The following ZIM2 variants were observed in gnomAD, a reference collection of about 807,000 sequenced individuals.
ZIM2 encodes zinc finger protein 656.
Under a neutral mutation model 38.6 loss-of-function variants are expected in ZIM2, and 14 were observed. The ratio of observed to expected loss-of-function variants is 0.36; its 90% confidence interval spans 0.24 to 0.57. The LOEUF is 0.57. Ranked by LOEUF, ZIM2 falls within the 20% of genes least tolerant of loss-of-function variation. The pLI is 0.81. For missense variants in ZIM2, 680 were observed against 695.1 expected (o/e 0.98, Z 0.24); for synonymous variants, 247 against 245.8 (o/e 1.00, Z -0.04).
intron 1 of ZIM2, among the ~76,000 whole-genome samples, chr19:56,836,841 G>A (rs1048171512): frequency 7.2e-5 from 11 of 151,904 alleles, no homozygotes; most frequent in East Asian, 1.9e-4. Flanking sequence ...GGTGGCGCGC[G>A]CCTGTATTCC....
intron 1 of ZIM2, among the ~76,000 whole-genome samples, chr19:56,837,370 C>T (rs1235805642): frequency 6.6e-6 from 1 of 152,156 alleles, no homozygotes; most frequent in Admixed American, 6.5e-5. Context: ...AGTGAAAATC[C>T]TTCACCAACA....
At chr19:56,796,375 T>C (rs1448988311) in intron 9 of ZIM2, among the ~76,000 whole-genome samples, 1 of 152,228 alleles carries the variant, frequency 6.6e-6, no homozygotes, top group Non-Finnish European at 1.5e-5. Flanking sequence ...TGGAACTTGG[T>C]GGAATTTTCT....
In ZIM2 at chr19:56,814,911, G is replaced by T. The variant is rs1215526383; in HGVS notation, c.490+2835C>A. On this transcript the variant is annotated intron_variant, in intron 9 of 12. Coordinates refer to ENST00000629319, the MANE Select transcript of ZIM2 (RefSeq NM_001387356.1). The surrounding 1 kb of genome is among the most constrained non-coding windows in gnomAD (Gnocchi z 5.8). ...CATGGATTCTCTGATGCTCGAAAAG[G>T]AATGAGCTATGAATAAAAGATTCCC... 5 of 1,614,030 alleles carry T rather than the reference G, an allele frequency of 3.1e-6. No individual in the cohort carries two copies. Among genetic ancestry groups the T allele is most frequent in the Non-Finnish European group, 3.4e-6 (4 of 1,180,028 alleles).
intron 9 of ZIM2, among the ~76,000 whole-genome samples, chr19:56,802,736 T>C (rs188564946): frequency 4.1e-4 from 62 of 152,326 alleles, no homozygotes; most frequent in East Asian, 3.3e-3. Context: ...AACTGACATT[T>C]ACTGTGTTGA....
At chr19:56,805,543 G>T (rs1568589723) in intron 9 of ZIM2, among the ~76,000 whole-genome samples, 1 of 152,160 alleles carries the variant, frequency 6.6e-6, no homozygotes, top group Non-Finnish European at 1.5e-5. Context: ...GTATTCAGTG[G>T]GTAAATCAGG....
intron 6 of ZIM2, 164 bp downstream of exon 6, chr19:56,822,589 G>A: frequency 4.7e-6 from 4 of 842,824 alleles, no homozygotes. Context: ...TGGTGGTACC[G>A]AGTGGAACTT....
chr19:56,814,191 C>T lies in ZIM2; in HGVS notation c.490+3555G>A. The T allele has an allele frequency of 6.2e-7, 1 of 1,611,762 alleles. No homozygotes were observed. The highest frequency in any genetic ancestry group is 2.2e-5 in the East Asian group (1 of 44,836). On this transcript the variant is annotated intron_variant, in intron 9 of 12. Transcript: ENST00000629319. The surrounding 1 kb of genome is among the most constrained non-coding windows in gnomAD (Gnocchi z 5.8). Reference sequence around the variant, plus strand: ...CTGGCCCTTCAGCCTCTCCGTTTGGCTCAGCAGCCTCCACTTCTGGCTCAG... The same window carrying T: ...CTGGCCCTTCAGCCTCTCCGTTTGGTTCAGCAGCCTCCACTTCTGGCTCAG...
In ZIM2 at chr19:56,813,836, C is replaced by A. The variant is rs755875175; in HGVS notation, c.490+3910G>T. 5 of 1,614,082 alleles carry A rather than the reference C, an allele frequency of 3.1e-6. No individual in the cohort carries two copies. In the African/African-American group the frequency reaches 6.7e-5, roughly 22 times the overall value. ...CCTGAGCACTCCCCAAAGGCATTTG[C>A]AGGCTCAAATATGATCATGCTGGCA... On this transcript the variant is annotated intron_variant, in intron 9 of 12. Transcript: ENST00000629319.
chr19:56,821,499 T>C, intron 7 of ZIM2, 152 bp downstream of exon 7: 2 of 893,258 alleles, frequency 2.2e-6, no homozygotes, highest in South Asian at 3.4e-5. Flanking sequence ...ACTTGTCACC[T>C]AAGGGATGGG....
At position 56,775,313 on chromosome 19, in the gene ZIM2, G is replaced by C; in HGVS notation, c.1052C>G (p.Ser351Ter). 6.2e-7 allele frequency: 1 copy of C among 1,614,174 alleles called. No individual in the cohort carries two copies. The highest frequency in any genetic ancestry group is 1.7e-5 in the Admixed American group (1 of 60,016). Residue 351 changes from serine to a stop codon, truncating the protein, a stop_gained, in exon 13 of 13, where the codon TCA becomes TGA. Coordinates refer to ENST00000629319, the MANE Select transcript of ZIM2 (RefSeq NM_001387356.1). LOFTEE classifies it low-confidence loss of function (END_TRUNC). ...TAPGICTSPQSASQENKHNRC... is the reference protein window; with the variant it reads ...TAPGICTSPQ ...GTTGTGTTTGTTCTCTTGGGATGCT[G>C]ACTGGGGACTCGTACATATTCCAGG...
At chr19:56,778,682 G>C (rs1780315707) in intron 12 of ZIM2, among the ~76,000 whole-genome samples, 1 of 152,130 alleles carries the variant, frequency 6.6e-6, no homozygotes, top group South Asian at 2.1e-4. Context: ...CAGCCCAGCT[G>C]ATCAGTATTA....
In ZIM2 at chr19:56,814,061, G is replaced by T. The variant is rs781298122; in HGVS notation, c.490+3685C>A. On this transcript the variant is annotated intron_variant, in intron 9 of 12. Coordinates refer to ENST00000629319, the MANE Select transcript of ZIM2 (RefSeq NM_001387356.1). This position sits in a 1 kb window ranked among gnomAD's most constrained non-coding sequence, Gnocchi z 5.8. ...TCTGGCTCTTCAGCTCTTTCTTCTG[G>T]GTCTTCAATACCTGCACCATCTGGC... 1 of 1,614,050 alleles carries T rather than the reference G, an allele frequency of 6.2e-7. No homozygotes were observed. The highest frequency in any genetic ancestry group is 8.5e-7 in the Non-Finnish European group (1 of 1,180,020).
intron 9 of ZIM2, among the ~76,000 whole-genome samples, chr19:56,793,519 C>A (rs2047046753): frequency 6.6e-6 from 1 of 152,148 alleles, no homozygotes; most frequent in South Asian, 2.1e-4. Context: ...AACTAGCCTG[C>A]ATAGTTATGA....
chr19:56,778,608 C>T (rs1471632783), intron 12 of ZIM2, among the ~76,000 whole-genome samples: 1 of 152,122 alleles, frequency 6.6e-6, no homozygotes, highest in African/African-American at 2.4e-5. Context: ...TTGTCAGAGT[C>T]GAAGGCAGAG....
chr19:56,834,114 A>G (rs1601243823), intron 2 of ZIM2, among the ~76,000 whole-genome samples: 1 of 152,248 alleles, frequency 6.6e-6, no homozygotes, highest in East Asian at 1.9e-4. Context: ...CCAGAACAGT[A>G]TGAGTTATTT....
chr19:56,780,812 T>C (rs371469430), intron 11 of ZIM2, among the ~76,000 whole-genome samples: 1 of 152,170 alleles, frequency 6.6e-6, no homozygotes, highest in African/African-American at 2.4e-5. Flanking sequence ...TAAAGGAAAA[T>C]TGAAGAACTT....
At chr19:56,815,625 C>G (rs778347329) in intron 9 of ZIM2, 25 of 1,614,018 alleles carry the variant, frequency 1.5e-5, no homozygotes, top group Non-Finnish European at 2.0e-5. Context: ...CAATGTATTT[C>G]TTTTTAGCAC....
chr19:56,776,240 A>G (rs2046001920), intron 12 of ZIM2, among the ~76,000 whole-genome samples: 1 of 152,176 alleles, frequency 6.6e-6, no homozygotes, highest in Admixed American at 6.5e-5. Context: ...AATCAGAGAA[A>G]GAGCTGGGGT....
At chr19:56,816,018 C>T (rs1188865728) in intron 9 of ZIM2, 2 of 1,591,688 alleles carry the variant, frequency 1.3e-6, no homozygotes, top group Middle Eastern at 1.7e-4. Context: ...CATCGAAGCT[C>T]TGAATGGTAG....
Sources: gnomAD v4.1 joint callset for allele counts (sites outside exome capture counted in the v4.1 genomes callset) on GRCh38, gnomAD v4.1.1 for gene constraint, Gnocchi (gnomAD v3.1) non-coding constraint, MANE v1.5 for transcripts, NCBI Gene and HGNC (gene_info 2026-07-23, HGNC 2026-07-21) for gene names.